Variants in ERC2 observed in about 807,000 individuals in gnomAD.
The protein encoded by ERC2 is ERC protein 2.
A neutral mutation model predicts 114.8 loss-of-function variants in ERC2; 42 were observed. The observed-to-expected ratio is 0.37, with a 90% CI of 0.29 to 0.47. ERC2 has a LOEUF of 0.47. Ranked by LOEUF, ERC2 falls within the 20% of genes least tolerant of loss-of-function variation. ERC2 has a pLI of 0.99. For synonymous variants in ERC2, 454 were observed against 425.5 expected, an observed-to-expected ratio of 1.07 and a Z score of -0.82; for missense variants, 939 against 1,150.7, an observed-to-expected ratio of 0.82 and a Z score of 2.66.
At chr3:56,111,307 C>G (rs1315790334) in intron 6 of ERC2, among the ~76,000 whole-genome samples, 2 of 150,828 alleles carry the variant, frequency 1.3e-5, no homozygotes, top group African/African-American at 2.4e-5. Context: ...CTCTTTCTCT[C>G]TCTCCCTCTT....
intron 14 of ERC2, among the ~76,000 whole-genome samples, chr3:55,868,329 G>A (rs1267481658): frequency 6.6e-6 from 1 of 152,138 alleles, no homozygotes; most frequent in Non-Finnish European, 1.5e-5. Context: ...CTAAAAAGTG[G>A]GAAAATCCAC....
intron 13 of ERC2, among the ~76,000 whole-genome samples, chr3:55,903,247 C>G (rs1050051079): frequency 2.6e-5 from 4 of 152,154 alleles, no homozygotes; most frequent in Admixed American, 6.5e-5. Context: ...TCCCTAGTAG[C>G]TCTTCTCTGA....
intron 14 of ERC2, among the ~76,000 whole-genome samples, chr3:55,739,337 C>T (rs148953324): frequency 0.038 from 5,821 of 152,174 alleles, 380 homozygotes; most frequent in African/African-American, 0.13. Context: ...ATCGCCACAC[C>T]GTCTTCCACA....
chr3:56,054,556 C>T (rs1024774022), intron 7 of ERC2, among the ~76,000 whole-genome samples: 3 of 152,090 alleles, frequency 2.0e-5, no homozygotes, highest in African/African-American at 7.2e-5. Flanking sequence ...GTACCTTGTC[C>T]CCCCTGCTGG....
chr3:56,362,213 C>T (rs2058985221), intron 2 of ERC2, among the ~76,000 whole-genome samples: 1 of 152,174 alleles, frequency 6.6e-6, no homozygotes. Context: ...ATCCACAGAT[C>T]AAGCTACTAG....
chr3:55,533,466 T>C (rs2053795897), intron 17 of ERC2, among the ~76,000 whole-genome samples: 1 of 152,236 alleles, frequency 6.6e-6, no homozygotes, highest in Non-Finnish European at 1.5e-5. Flanking sequence ...AGCATGTCTT[T>C]TGGCATTTAA....
chr3:56,232,165 G>A (rs1370161554), intron 3 of ERC2, among the ~76,000 whole-genome samples: 1 of 148,382 alleles, frequency 6.7e-6, no homozygotes, highest in African/African-American at 2.5e-5. Flanking sequence ...CAGAGCTGGG[G>A]TCTCTGTTTC....
chr3:56,300,735 T>C (rs546871430), intron 2 of ERC2, among the ~76,000 whole-genome samples: 8 of 152,282 alleles, frequency 5.3e-5, no homozygotes, highest in African/African-American at 1.9e-4. Context: ...AAAAAGTACT[T>C]AAGTAACCTG....
intron 14 of ERC2, among the ~76,000 whole-genome samples, chr3:55,855,176 C>T (rs1307855945): frequency 1.3e-5 from 2 of 152,148 alleles, no homozygotes; most frequent in Non-Finnish European, 2.9e-5. Flanking sequence ...GATCCACCTG[C>T]AATGACTAAA....
Position 55,511,197 on chromosome 3 carries a change from G to C in ERC2, c.*119C>G, listed in dbSNP as rs561005241. The C allele has an allele frequency of 2.0e-5, 3 of 152,804 alleles. No homozygotes were observed. The highest frequency in any genetic ancestry group is 2.0e-4 in the Admixed American group (3 of 15,308). 9.5% of individuals were successfully genotyped at this position (152,804 alleles called of 1,614,324 possible). ...GAGCCGCTCCAGGTGGTGGTGGACA[G>C]TGATGTGAGCCGCACTGCAATACAT... On this transcript the variant is annotated 3_prime_UTR_variant, in exon 18 of 18. Transcript: ENST00000288221.
intron 2 of ERC2, among the ~76,000 whole-genome samples, chr3:56,315,406 C>A (rs1398554133): frequency 6.6e-6 from 1 of 152,084 alleles, no homozygotes; most frequent in Non-Finnish European, 1.5e-5. Flanking sequence ...TTTGCAGATA[C>A]CATCACCGAA....
intron 14 of ERC2, among the ~76,000 whole-genome samples, chr3:55,831,771 C>T (rs909099250): frequency 1.3e-5 from 2 of 152,230 alleles, no homozygotes; most frequent in African/African-American, 2.4e-5. Flanking sequence ...GTGGGTACAA[C>T]GCACCGTGTG....
chr3:55,868,010 A>G (rs905205868), intron 14 of ERC2, among the ~76,000 whole-genome samples: 2 of 152,188 alleles, frequency 1.3e-5, no homozygotes, highest in Non-Finnish European at 2.9e-5. Flanking sequence ...CCGATCATCT[A>G]GCATAGATAA....
At chr3:55,973,361 T>G (rs1008027251) in intron 12 of ERC2, among the ~76,000 whole-genome samples, 6 of 152,198 alleles carry the variant, frequency 3.9e-5, no homozygotes, top group Non-Finnish European at 8.8e-5. Flanking sequence ...CACACCTAAG[T>G]GCCAAATATA....
chr3:56,466,045 T>C (rs2063529440), intron 1 of ERC2, among the ~76,000 whole-genome samples: 1 of 152,250 alleles, frequency 6.6e-6, no homozygotes, highest in African/African-American at 2.4e-5. Flanking sequence ...CTGAATTCCT[T>C]CTAGTTACTC....
At chr3:56,424,376 T>C (rs1022643723) in intron 2 of ERC2, among the ~76,000 whole-genome samples, 1 of 152,074 alleles carries the variant, frequency 6.6e-6, no homozygotes, top group African/African-American at 2.4e-5. Flanking sequence ...TCTCCCAAGG[T>C]CCAGCACACA....
At chr3:55,810,871 C>T (rs1230043989) in intron 14 of ERC2, among the ~76,000 whole-genome samples, 2 of 152,152 alleles carry the variant, frequency 1.3e-5, no homozygotes, top group African/African-American at 2.4e-5. Flanking sequence ...ATAAATGATT[C>T]TTTAATAGAT....
At chr3:56,050,780 G>A (rs542516126) in intron 7 of ERC2, among the ~76,000 whole-genome samples, 2 of 152,254 alleles carry the variant, frequency 1.3e-5, no homozygotes, top group South Asian at 2.1e-4. Flanking sequence ...TTTCCATTAA[G>A]CCAAAGCTCC....
intron 14 of ERC2, among the ~76,000 whole-genome samples, chr3:55,757,280 C>T (rs2067123869): frequency 6.6e-6 from 1 of 152,044 alleles, no homozygotes; most frequent in African/African-American, 2.4e-5. Flanking sequence ...ACAAAAAACA[C>T]AGCACGATAT....
Sources: allele counts gnomAD v4.1 joint callset (sites outside exome capture counted in the v4.1 genomes callset), GRCh38; gene constraint gnomAD v4.1.1; transcripts MANE v1.5; gene names NCBI Gene and HGNC (gene_info 2026-07-23, HGNC 2026-07-21).